The following PTPRT variants were observed in gnomAD, a reference collection of about 807,000 sequenced individuals.
PTPRT encodes protein tyrosine phosphatase receptor type T, also known as receptor-type tyrosine-protein phosphatase T.
Under a neutral mutation model 176.8 loss-of-function variants are expected in PTPRT, and 56 were observed. That is an observed-to-expected ratio of 0.32 (90% CI 0.26 to 0.40). The LOEUF (loss-of-function observed/expected upper bound fraction) is 0.40. PTPRT is among the 10% of genes least tolerant of loss of function. The probability of loss-of-function intolerance (pLI) is 1.00; values close to 1 mark genes in which losing one functional copy is unlikely to be tolerated. For synonymous variants in PTPRT, 783 were observed against 739.0 expected (o/e 1.06, Z -0.96); for missense variants, 1,540 against 1,908.2 (o/e 0.81, Z 3.60).
At chr20:42,882,840 C>A (rs750988279) in intron 2 of PTPRT, among the ~76,000 whole-genome samples, 2 of 152,218 alleles carry the variant, frequency 1.3e-5, no homozygotes, top group Non-Finnish European at 2.9e-5. Context: ...GCAACGGGAA[C>A]CATTACAAAG....
At chr20:42,688,934 G>A (rs1405534111) in intron 6 of PTPRT, among the ~76,000 whole-genome samples, 2 of 152,190 alleles carry the variant, frequency 1.3e-5, no homozygotes, top group Non-Finnish European at 2.9e-5. Flanking sequence ...AGGGAAGGAT[G>A]CAGAAACCAA....
chr20:42,809,727 C>T (rs527887399), intron 2 of PTPRT, among the ~76,000 whole-genome samples: 1 of 152,136 alleles, frequency 6.6e-6, no homozygotes, highest in Admixed American at 6.5e-5. Context: ...CTCCTCATGC[C>T]TCGCATTTCA....
At chr20:42,657,540 G>A (rs2075146382) in intron 7 of PTPRT, among the ~76,000 whole-genome samples, 1 of 152,048 alleles carries the variant, frequency 6.6e-6, no homozygotes, top group African/African-American at 2.4e-5. Flanking sequence ...CTTTATCTAG[G>A]TTGATGGCAT....
Position 42,615,582 on chromosome 20 carries a change from A to G in PTPRT, c.1153+62284T>C, listed in dbSNP as rs1166879627. ...TGTAAAAGTGTTCCTATTTCTCCACATCCTCTCCAGCACCTGTTGTTTCCT... is the reference window on the plus strand; with the variant it reads ...TGTAAAAGTGTTCCTATTTCTCCACGTCCTCTCCAGCACCTGTTGTTTCCT... On this transcript the variant is annotated intron_variant, in intron 7 of 30. Coordinates refer to ENST00000373187, the MANE Select transcript of PTPRT (RefSeq NM_007050.6). Among the ~76,000 whole-genome samples the G allele has an allele frequency of 1.0e-4, 14 of 136,118 alleles. 3 individuals carry two copies. Among genetic ancestry groups the G allele is most frequent in the African/African-American group, 4.6e-4 (14 of 30,656 alleles). The allele number at this position is 136,118 out of a possible 152,430, so 89.3% of individuals were successfully genotyped here.
At chr20:42,231,460 T>C (rs1404549559) in intron 15 of PTPRT, among the ~76,000 whole-genome samples, 1 of 152,174 alleles carries the variant, frequency 6.6e-6, no homozygotes, top group African/African-American at 2.4e-5. Context: ...GTTATAAGCA[T>C]TGGGTAAGTA....
chr20:43,109,687 T>C (rs1055081755), intron 1 of PTPRT, among the ~76,000 whole-genome samples: 1 of 151,716 alleles, frequency 6.6e-6, no homozygotes, highest in East Asian at 1.9e-4. Flanking sequence ...TTATAGACAA[T>C]GATAAGCCAA....
At chr20:42,329,572 G>T (rs1292527750) in intron 11 of PTPRT, among the ~76,000 whole-genome samples, 1 of 151,940 alleles carries the variant, frequency 6.6e-6, no homozygotes. Context: ...TCAATAAACG[G>T]TGTGGAGGAA....
chr20:42,440,669 G>A (rs899354393), intron 9 of PTPRT, among the ~76,000 whole-genome samples: 8 of 151,910 alleles, frequency 5.3e-5, no homozygotes, highest in African/African-American at 1.7e-4. Flanking sequence ...AGTAGAGACG[G>A]GGTTTCACCG....
At chr20:42,034,677 A>C in the PTPRT span, among the ~76,000 whole-genome samples, 1 of 152,132 alleles carries the variant, frequency 6.6e-6, no homozygotes, top group Non-Finnish European at 1.5e-5. Context: ...TCTCACCCCC[A>C]GTTATGTGTG....
intron 12 of PTPRT, among the ~76,000 whole-genome samples, chr20:42,299,942 C>T (rs1260944479): frequency 1.3e-5 from 2 of 151,610 alleles, no homozygotes; most frequent in Non-Finnish European, 2.9e-5. Context: ...CCACCGCACC[C>T]GGCCACTTTT....
intron 6 of PTPRT, among the ~76,000 whole-genome samples, chr20:42,708,261 T>G (rs2076091053): frequency 6.6e-6 from 1 of 152,162 alleles, no homozygotes; most frequent in South Asian, 2.1e-4. Flanking sequence ...TTTTATCATT[T>G]TAAGAATATA....
In PTPRT at chr20:42,079,024, C is replaced by G. The variant is rs562308057; in HGVS notation, c.*1855G>C. 1 of 179,974 alleles carries G rather than the reference C, an allele frequency of 5.6e-6. No homozygotes were observed. 11.1% of individuals were successfully genotyped at this position (179,974 alleles called of 1,614,324 possible). A position where few individuals can be genotyped will look rare whatever the true frequency, so the allele number is the denominator to read the frequency against. Reference sequence around the variant, plus strand: ...CCTCATGCCCTGTCTGGGGCTAGACCAGCCTTCAAGATGGAGCTTCCTAGG... The same window carrying G: ...CCTCATGCCCTGTCTGGGGCTAGACGAGCCTTCAAGATGGAGCTTCCTAGG... On this transcript the variant is annotated 3_prime_UTR_variant, in exon 31 of 31. Coordinates refer to ENST00000373187, the MANE Select transcript of PTPRT (RefSeq NM_007050.6).
intron 13 of PTPRT, among the ~76,000 whole-genome samples, chr20:42,278,884 C>G (rs1174154316): frequency 6.6e-6 from 1 of 152,120 alleles, no homozygotes; most frequent in Non-Finnish European, 1.5e-5. Context: ...TAAAGGATCA[C>G]CTTAAGCACC....
At position 42,615,206 on chromosome 20, in the gene PTPRT, G is replaced by A. The variant is rs1055300726; in HGVS notation, c.1153+62660C>T. Among the ~76,000 whole-genome samples, 410 of 132,338 alleles carry A rather than the reference G, an allele frequency of 3.1e-3. 9 individuals are homozygous for A. Among genetic ancestry groups the A allele is most frequent in the African/African-American group, 0.013 (379 of 30,110 alleles). The allele number at this position is 132,338 out of a possible 152,430, so 86.8% of individuals were successfully genotyped here. On this transcript the variant is annotated intron_variant, in intron 7 of 30. Transcript: ENST00000373187. Reference sequence around the variant, plus strand: ...GCGGTGTTTGGTTTTTTGTTCTTGCGATAGTTTACTGAGAATGATGATTTC... The same window carrying A: ...GCGGTGTTTGGTTTTTTGTTCTTGCAATAGTTTACTGAGAATGATGATTTC...
At chr20:42,760,106 G>C (rs2076893205) in intron 5 of PTPRT, among the ~76,000 whole-genome samples, 1 of 152,160 alleles carries the variant, frequency 6.6e-6, no homozygotes, top group Non-Finnish European at 1.5e-5. Flanking sequence ...CATTGGTCAG[G>C]GCTCACGAGG....
intron 7 of PTPRT, among the ~76,000 whole-genome samples, chr20:42,525,959 A>G (rs977412354): frequency 1.3e-5 from 2 of 151,974 alleles, no homozygotes; most frequent in Non-Finnish European, 2.9e-5. Context: ...TTTCTCTGAA[A>G]TATTTACAGA....
At chr20:42,072,007 T>A (rs1461478608), downstream of PTPRT, among the ~76,000 whole-genome samples, 1 of 152,174 alleles carries the variant, frequency 6.6e-6, no homozygotes, top group East Asian at 1.9e-4. Flanking sequence ...TGTCAAGAAG[T>A]AGAATCCCTG....
intron 27 of PTPRT, among the ~76,000 whole-genome samples, chr20:42,090,634 T>A (rs1387796365): frequency 1.3e-5 from 2 of 152,142 alleles, no homozygotes; most frequent in Non-Finnish European, 2.9e-5. Context: ...GGAACAGAGA[T>A]CACATCTGTG....
Position 42,176,135 on chromosome 20 carries a change from T to C in PTPRT, c.2492-14593A>G, listed in dbSNP as rs1274491527. Among the ~76,000 whole-genome samples the C allele has an allele frequency of 2.6e-5, 4 of 152,200 alleles. No homozygotes were observed. The East Asian group carries it at 5.8e-4, about 22-fold the overall frequency. On this transcript the variant is annotated intron_variant, in intron 16 of 30. Transcript: ENST00000373187. ...ATCATATCTGTGTTGTTTACTCGTG[T>C]ATCTCCAGAATCTAGTGCCTACTCT...
Sources: allele counts gnomAD v4.1 joint callset (sites outside exome capture counted in the v4.1 genomes callset), GRCh38; gene constraint gnomAD v4.1.1; transcripts MANE v1.5; gene names NCBI Gene and HGNC (gene_info 2026-07-23, HGNC 2026-07-21).